The following DOK6 variants were observed in gnomAD, a reference collection of about 807,000 sequenced individuals.
DOK6 encodes the protein docking protein 6, also known as downstream of tyrosine kinase 6.
In DOK6, 22 loss-of-function variants were observed where a neutral mutation model predicts 44.0. That is an observed-to-expected ratio of 0.50 (90% CI 0.36 to 0.71). The LOEUF (loss-of-function observed/expected upper bound fraction) is 0.71, where lower values mean the gene tolerates loss of function less well. Among genes scored for constraint, DOK6 ranks in the 30% least tolerant of loss-of-function variants. The probability of loss-of-function intolerance (pLI) is 0.00; values close to 1 mark genes in which losing one functional copy is unlikely to be tolerated. For missense variants in DOK6, 340 were observed against 416.4 expected, an observed-to-expected ratio of 0.82 and a Z score of 1.60; for synonymous variants, 166 against 145.5, an observed-to-expected ratio of 1.14 and a Z score of -1.01.
intron 7 of DOK6, among the ~76,000 whole-genome samples, chr18:69,838,048 T>G (rs1022332605): frequency 6.6e-6 from 1 of 152,234 alleles, no homozygotes; most frequent in East Asian, 1.9e-4. Context: ...ATGGTTAATA[T>G]TAATCGCATG....
At chr18:69,607,062 A>G (rs1984018303) in intron 3 of DOK6, among the ~76,000 whole-genome samples, 1 of 152,220 alleles carries the variant, frequency 6.6e-6, no homozygotes, top group Non-Finnish European at 1.5e-5. Context: ...CCAAGTCCCA[A>G]AGAGGCAATG....
chr18:69,481,556 C>T (rs1417374453), intron 1 of DOK6, among the ~76,000 whole-genome samples: 5 of 152,130 alleles, frequency 3.3e-5, no homozygotes, highest in Non-Finnish European at 7.4e-5. Context: ...ATGAACTCAT[C>T]CTTTTTTATG....
chr18:69,463,147 T>C (rs1979832155), intron 1 of DOK6, among the ~76,000 whole-genome samples: 1 of 152,150 alleles, frequency 6.6e-6, no homozygotes, highest in African/African-American at 2.4e-5. Context: ...GGTTCATAGA[T>C]GGCACCTTAG....
At chr18:69,783,570 G>C (rs186142208) in intron 7 of DOK6, among the ~76,000 whole-genome samples, 1 of 152,166 alleles carries the variant, frequency 6.6e-6, no homozygotes, top group Non-Finnish European at 1.5e-5. Flanking sequence ...TGAGTGGCCA[G>C]ATCAACCAAT....
chr18:69,693,290 G>A (rs932336722), intron 4 of DOK6, among the ~76,000 whole-genome samples: 2 of 133,256 alleles, frequency 1.5e-5, no homozygotes, highest in Non-Finnish European at 1.6e-5. Flanking sequence ...ATAGAATACA[G>A]TGGAAAAAAG....
At chr18:69,494,662 C>T (rs920718021) in intron 1 of DOK6, among the ~76,000 whole-genome samples, 56 of 152,122 alleles carry the variant, frequency 3.7e-4, no homozygotes, top group Non-Finnish European at 4.6e-4. Flanking sequence ...TTCCTGTACT[C>T]ATTAATTAAA....
At chr18:69,680,403 T>TTTAAA (rs1296387355) in intron 4 of DOK6, among the ~76,000 whole-genome samples, 1 of 152,244 alleles carries the variant, frequency 6.6e-6, no homozygotes, top group Non-Finnish European at 1.5e-5. Context: ...TCGTCAAGTC[T>TTTAAA]GCACCCCCCT....
rs544563109 is a variant in DOK6, at chr18:69,760,313, G to A, written c.856+2440G>A. Among the ~76,000 whole-genome samples the A allele has an allele frequency of 3.3e-5, 5 of 152,186 alleles. No individual in the cohort carries two copies. In the East Asian group the frequency reaches 9.7e-4, roughly 29 times the overall value. ...TCAGCACCCTTCCACGAACACGTAC[G>A]TTTTTCACAAAACTACATTTAGAAG... On this transcript the variant is annotated intron_variant, in intron 7 of 7. Coordinates refer to ENST00000382713, the MANE Select transcript of DOK6 (RefSeq NM_152721.6).
chr18:69,806,679 A>C (rs989207761), intron 7 of DOK6, among the ~76,000 whole-genome samples: 1 of 151,978 alleles, frequency 6.6e-6, no homozygotes, highest in Non-Finnish European at 1.5e-5. Flanking sequence ...TTCCATTATC[A>C]TCAGCCTTAG....
rs200977737 is a variant in DOK6 at position 69,760,398 on chromosome 18, A to AT, written c.856+2534dup. 8.2e-4 allele frequency among the ~76,000 whole-genome samples: 125 copies of AT among 151,698 alleles called. No individual in the cohort carries two copies. In the South Asian group the frequency reaches 0.014, roughly 17 times the overall value. On this transcript the variant is annotated intron_variant, in intron 7 of 7. Coordinates refer to ENST00000382713, the MANE Select transcript of DOK6 (RefSeq NM_152721.6). ...GTAATCCCAGCACTTTGAGAGTTTG[A>AT]TTTTTTTTTCCCCCAGAGCAGAAGC... is the stretch of plus-strand genomic sequence containing the variant.
chr18:69,657,918 G>A (rs538781783), intron 3 of DOK6, among the ~76,000 whole-genome samples: 1 of 151,892 alleles, frequency 6.6e-6, no homozygotes, highest in Non-Finnish European at 1.5e-5. Flanking sequence ...GTTTTGGGTG[G>A]GTTTTTGTTG....
At chr18:69,813,905 G>T (rs952742884) in intron 7 of DOK6, among the ~76,000 whole-genome samples, 3 of 152,110 alleles carry the variant, frequency 2.0e-5, no homozygotes, top group African/African-American at 4.8e-5. Context: ...ATTTCTCAAT[G>T]CTATTTTCAG....
chr18:69,813,337 G>A (rs1285691668), intron 7 of DOK6, among the ~76,000 whole-genome samples: 9 of 152,100 alleles, frequency 5.9e-5, no homozygotes, highest in Non-Finnish European at 1.3e-4. Context: ...CAGGTTGAAC[G>A]TATGTCCTTA....
intron 5 of DOK6, among the ~76,000 whole-genome samples, chr18:69,731,516 A>G (rs1978400392): frequency 6.6e-6 from 1 of 152,184 alleles, no homozygotes; most frequent in South Asian, 2.1e-4. Flanking sequence ...TGGCTATGAT[A>G]CTTCGTCTTT....
intron 2 of DOK6, among the ~76,000 whole-genome samples, chr18:69,576,400 A>G (rs1371649478): frequency 6.6e-6 from 1 of 152,146 alleles, no homozygotes; most frequent in Non-Finnish European, 1.5e-5. Flanking sequence ...ATGCTGTAAC[A>G]CTCAATAGCA....
intron 1 of DOK6, among the ~76,000 whole-genome samples, chr18:69,536,964 C>T (rs546488398): frequency 8.3e-5 from 11 of 133,046 alleles, no homozygotes; most frequent in African/African-American, 1.8e-4. Context: ...TTAACATACA[C>T]GACAGAAGAT....
intron 3 of DOK6, among the ~76,000 whole-genome samples, chr18:69,627,625 A>G (rs1984587537): frequency 6.6e-6 from 1 of 151,712 alleles, no homozygotes; most frequent in Admixed American, 6.6e-5. Context: ...GTTTTTTTGT[A>G]TTTTTAGTAG....
At chr18:69,681,295 C>T (rs1427485004) in intron 4 of DOK6, among the ~76,000 whole-genome samples, 7 of 152,118 alleles carry the variant, frequency 4.6e-5, no homozygotes, top group Non-Finnish European at 1.0e-4. Context: ...TTTTGACATT[C>T]AAAAATGCTA....
chr18:69,428,082 G>C (rs1978694645), intron 1 of DOK6, among the ~76,000 whole-genome samples: 1 of 152,014 alleles, frequency 6.6e-6, no homozygotes, highest in Non-Finnish European at 1.5e-5. Context: ...CTGGCCTGGA[G>C]TACCCTACTT....
Sources: allele counts gnomAD v4.1 joint callset (sites outside exome capture counted in the v4.1 genomes callset), GRCh38; gene constraint gnomAD v4.1.1; transcripts MANE v1.5; gene names NCBI Gene and HGNC (gene_info 2026-07-23, HGNC 2026-07-21).